EBF3: variants seen among roughly 807,000 people sequenced by gnomAD.
The protein encoded by EBF3 is transcription factor COE3.
A neutral mutation model predicts 77.1 loss-of-function variants in EBF3; 18 were observed. That is an observed-to-expected ratio of 0.23 (90% CI 0.16 to 0.35). The LOEUF (loss-of-function observed/expected upper bound fraction) is 0.35, where lower values mean the gene tolerates loss of function less well. Ranked by LOEUF, EBF3 falls within the 10% of genes least tolerant of loss-of-function variation. The pLI is 1.00. For missense variants in EBF3, 558 were observed against 860.0 expected (o/e 0.65, Z 4.39); for synonymous variants, 350 against 343.5 (o/e 1.02, Z -0.21).
At chr10:129,860,900 G>C (rs188526288) in intron 10 of EBF3, among the ~76,000 whole-genome samples, 1 of 152,198 alleles carries the variant, frequency 6.6e-6, no homozygotes, top group Non-Finnish European at 1.5e-5. Context: ...CTAAATGTGC[G>C]ATTTCTGTAT....
intron 11 of EBF3, among the ~76,000 whole-genome samples, chr10:129,846,330 T>A (rs1038192472): frequency 1.3e-5 from 2 of 151,862 alleles, no homozygotes; most frequent in Non-Finnish European, 2.9e-5. Flanking sequence ...CAATTACCCA[T>A]CAAACCACGT....
At chr10:129,843,689 C>T (rs775185047) in intron 11 of EBF3, among the ~76,000 whole-genome samples, 6 of 152,250 alleles carry the variant, frequency 3.9e-5, no homozygotes, top group Admixed American at 6.5e-5. Flanking sequence ...CCCTAATTCA[C>T]GCCCCAAATT....
At chr10:129,962,383 C>G (rs1367240234) in intron 3 of EBF3, among the ~76,000 whole-genome samples, 157 bp from the exon 4 acceptor site, 1 of 152,156 alleles carries the variant, frequency 6.6e-6, no homozygotes, top group Non-Finnish European at 1.5e-5. Flanking sequence ...AACCCCACCA[C>G]TTCTCGCTTA....
chr10:129,842,267 G>C lies in EBF3; in HGVS notation c.1221C>G (p.Asp407Glu), dbSNP rs1173442663. Reference sequence around the variant, plus strand: ...GAACGCTGTACAGCGCCTCGGCGATGTCCGCCGCTCGCTTCAAGATGATCT... The same window carrying C: ...GAACGCTGTACAGCGCCTCGGCGATCTCCGCCGCTCGCTTCAAGATGATCT... The part of the protein sequence containing the change: ...NQEIILKRAA[D>E]IAEALYSVPR... The change falls in exon 13 of 17, where the codon GAC becomes GAG. Residue 407 changes from aspartate (D) to glutamate (E), a missense_variant. Asp to Glu is a conservative substitution (Grantham distance 45). This residue lies in a region of EBF3 where 284 missense variants were observed against 368.3 expected (regional missense o/e 0.77). Transcript: ENST00000440978. The surrounding 1 kb of genome is among the most constrained non-coding windows in gnomAD (Gnocchi z 4.4). 6.2e-7 allele frequency: 1 copy of C among 1,607,676 alleles called. No homozygotes were observed. Among genetic ancestry groups the C allele is most frequent in the Admixed American group, 1.7e-5 (1 of 59,574 alleles).
rs1284589071 is a variant in EBF3 at position 129,938,098 on chromosome 10, T to C, written c.554+19160A>G. On this transcript the variant is annotated intron_variant, in intron 6 of 16. Transcript: ENST00000440978. This position sits in a 1 kb window ranked among gnomAD's most constrained non-coding sequence, Gnocchi z 5.1. ...CACGCAAACTGTAAAGAGACCACCATGTCCTTCAGCAGCACCTGGCAGGAG... is the reference window on the plus strand; with the variant it reads ...CACGCAAACTGTAAAGAGACCACCACGTCCTTCAGCAGCACCTGGCAGGAG... Among the ~76,000 whole-genome samples, 2 of 152,154 alleles carry C rather than the reference T, an allele frequency of 1.3e-5. No individual in the cohort carries two copies. The highest frequency in any genetic ancestry group is 3.9e-4 in the East Asian group (2 of 5,192).
At chr10:129,959,512 G>A (rs1361711850) in intron 4 of EBF3, among the ~76,000 whole-genome samples, 1 of 152,020 alleles carries the variant, frequency 6.6e-6, no homozygotes, top group Non-Finnish European at 1.5e-5. Flanking sequence ...CGCGGCGCAG[G>A]AGCAGTTTGC....
At chr10:129,894,411 A>G (rs1854227851) in intron 6 of EBF3, among the ~76,000 whole-genome samples, 3 of 152,288 alleles carry the variant, frequency 2.0e-5, no homozygotes, top group South Asian at 2.1e-4. Context: ...ACCAGAAGAG[A>G]TGCCAAGGTC....
chr10:129,848,436 T>C lies in EBF3; in HGVS notation c.1084A>G (p.Lys362Glu). The C allele has an allele frequency of 6.2e-7, 1 of 1,614,274 alleles. No individual in the cohort carries two copies. Among genetic ancestry groups the C allele is most frequent in the Non-Finnish European group, 8.5e-7 (1 of 1,180,054 alleles). Residue 362 changes from lysine to glutamate, a missense_variant, in exon 11 of 17, where the codon AAA (lysine) becomes GAA (glutamate). Transcript: ENST00000440978. This position sits in a 1 kb window ranked among gnomAD's most constrained non-coding sequence, Gnocchi z 4.4. ...TIDYGFQRLQ[K>E]VIPRHPGDPE... is the part of the protein sequence containing the mutation. ...TCACCCGGATGTCTTGGGATCACTT[T>C]CTGCAACCTCTGAAAGCCGTAATCT... is the stretch of plus-strand genomic sequence containing the variant.
chr10:129,954,709 A>G (rs937973262), intron 6 of EBF3, among the ~76,000 whole-genome samples: 1 of 152,194 alleles, frequency 6.6e-6, no homozygotes, highest in African/African-American at 2.4e-5. Flanking sequence ...TTATCTGGTC[A>G]GAACCTGCTA....
At chr10:129,929,175 A>G (rs1856850366) in intron 6 of EBF3, among the ~76,000 whole-genome samples, 1 of 152,102 alleles carries the variant, frequency 6.6e-6, no homozygotes, top group African/African-American at 2.4e-5. Context: ...TTGTAGGAGG[A>G]TGGTCTTCTT....
At position 129,840,552 on chromosome 10, in the gene EBF3, A is replaced by ATGAC. The variant is rs1849958230; in HGVS notation, c.1562-114_1562-111dup. ...GGGGGCAGGGGCACGAAAACAAAAC[A>ATGAC]TGACATGCGTCTGGCTCGGCCACGC... On this transcript the variant is annotated intron_variant, in intron 14 of 16. Transcript: ENST00000440978. 9 of 1,225,562 alleles carry ATGAC rather than the reference A, an allele frequency of 7.3e-6. No individual in the cohort carries two copies. In the South Asian group the frequency reaches 1.3e-4, roughly 18 times the overall value. 75.9% of individuals were successfully genotyped at this position (1,225,562 alleles called of 1,614,324 possible). A position where few individuals can be genotyped will look rare whatever the true frequency, so the allele number is the denominator to read the frequency against.
rs2134044149 is a variant in EBF3 at position 129,861,574 on chromosome 10, GACAC to G, written c.1039+5563_1039+5566del. 7.1e-6 allele frequency among the ~76,000 whole-genome samples: 1 copy of G among 140,308 alleles called. No individual in the cohort carries two copies. The highest frequency in any genetic ancestry group is 2.6e-5 in the African/African-American group (1 of 38,738). The allele number at this position is 140,308 out of a possible 152,430, so 92.0% of individuals were successfully genotyped here. The stretch of plus-strand genomic sequence containing the variant: ...GGGGTTCACTGGGGATCATGGGGGG[GACAC>G]AGACATCCTTGGACACCATTGACTG... On this transcript the variant is annotated intron_variant, in intron 10 of 16. Coordinates refer to ENST00000440978, the MANE Select transcript of EBF3 (RefSeq NM_001375380.1). The surrounding 1 kb of genome is among the most constrained non-coding windows in gnomAD (Gnocchi z 4.3).
intron 6 of EBF3, among the ~76,000 whole-genome samples, chr10:129,913,460 T>C (rs1002842196): frequency 3.9e-5 from 6 of 152,204 alleles, no homozygotes; most frequent in Non-Finnish European, 5.9e-5. Context: ...TGAATAAACA[T>C]GGATAGTTTA....
rs773898946 is a variant in EBF3, at chr10:129,841,001, G to A, written c.1404C>T (p.Ser468=). ...TACTGCTGGGGACGTAGCCTCGCGG[G>A]GACACGCTGCTTGTATTGCGACTGT... ...VGYSRNTSSV[S]PRGYVPSSTP... The change falls in exon 14 of 17, where the codon TCC becomes TCT. Residue 468 remains serine, a synonymous_variant. Transcript: ENST00000440978. The surrounding 1 kb of genome is among the most constrained non-coding windows in gnomAD (Gnocchi z 4.6). 8.7e-6 allele frequency: 14 copies of A among 1,610,832 alleles called. No individual in the cohort carries two copies. In the East Asian group the frequency reaches 3.1e-4, roughly 36 times the overall value.
chr10:129,923,940 C>A (rs1856475263), intron 6 of EBF3, among the ~76,000 whole-genome samples: 1 of 152,190 alleles, frequency 6.6e-6, no homozygotes, highest in Non-Finnish European at 1.5e-5. Context: ...TAAACCTCAA[C>A]ACCAACGAAA....
chr10:129,841,042 T>TGCC lies in EBF3; in HGVS notation c.1373-11_1373-10insGGC. Reference sequence around the variant, plus strand: ...TTGCGACTGTAGCCGACTGTTGAAATCCCCCCCCCGGCCAAAAATAACATT... The same window carrying TGCC: ...TTGCGACTGTAGCCGACTGTTGAAATGCCCCCCCCCCCGGCCAAAAATAACATT... On this transcript the variant is annotated splice_polypyrimidine_tract_variant and intron_variant, in intron 13 of 16. Coordinates refer to ENST00000440978, the MANE Select transcript of EBF3 (RefSeq NM_001375380.1). This position sits in a 1 kb window ranked among gnomAD's most constrained non-coding sequence, Gnocchi z 4.6. 1 of 1,507,650 alleles carries TGCC rather than the reference T, an allele frequency of 6.6e-7. No individual in the cohort carries two copies. Among genetic ancestry groups the TGCC allele is most frequent in the Non-Finnish European group, 8.8e-7 (1 of 1,131,780 alleles). The allele number at this position is 1,507,650 out of a possible 1,614,324, so 93.4% of individuals were successfully genotyped here. A position where few individuals can be genotyped will look rare whatever the true frequency, so the allele number is the denominator to read the frequency against.
At chr10:129,915,441 C>T (rs1413179252) in intron 6 of EBF3, among the ~76,000 whole-genome samples, 1 of 149,072 alleles carries the variant, frequency 6.7e-6, no homozygotes, top group Non-Finnish European at 1.5e-5. Flanking sequence ...AAAACACTCA[C>T]CCATGCATGC....
chr10:129,850,645 G>A (rs1374525806), intron 10 of EBF3, among the ~76,000 whole-genome samples: 3 of 152,194 alleles, frequency 2.0e-5, no homozygotes, highest in African/African-American at 4.8e-5. Flanking sequence ...GTGAGTTCAC[G>A]TTCAAGAATT....
chr10:129,941,870 G>A (rs1389921856), intron 6 of EBF3, among the ~76,000 whole-genome samples: 1 of 151,786 alleles, frequency 6.6e-6, no homozygotes, highest in African/African-American at 2.4e-5. Context: ...GCAGCCATTT[G>A]CGGGGTCATC....
Sources: allele counts gnomAD v4.1 joint callset (sites outside exome capture counted in the v4.1 genomes callset), GRCh38; gene constraint gnomAD v4.1.1; regional missense constraint gnomAD v4.1.1; non-coding constraint Gnocchi (gnomAD v3.1); transcripts MANE v1.5; gene names NCBI Gene and HGNC (gene_info 2026-07-23, HGNC 2026-07-21).